The following TM9SF3 variants were observed in gnomAD, a reference collection of about 807,000 sequenced individuals.
TM9SF3 encodes transmembrane 9 superfamily member 3.
TM9SF3 carries 14 observed loss-of-function variants against 78.6 expected under a neutral mutation model. The observed-to-expected ratio is 0.18, with a 90% CI of 0.12 to 0.28. The LOEUF is 0.28. TM9SF3 is among the 10% of genes least tolerant of loss of function. The pLI, the probability that TM9SF3 is intolerant of heterozygous loss-of-function variation, is 1.00. For synonymous variants in TM9SF3, 231 were observed against 241.7 expected (o/e 0.96, Z 0.41); for missense variants, 496 against 721.9 (o/e 0.69, Z 3.59).
intron 2 of TM9SF3, among the ~76,000 whole-genome samples, chr10:96,566,243 GTTTGTT>G (rs775997303): frequency 2.6e-5 from 4 of 152,078 alleles, no homozygotes; most frequent in Non-Finnish European, 4.4e-5. Flanking sequence ...GCAAGCACAA[GTTTGTT>G]TTTAAGTTCT....
intron 3 of TM9SF3, among the ~76,000 whole-genome samples, chr10:96,564,231 A>G (rs1848344644): frequency 6.6e-6 from 1 of 152,152 alleles, no homozygotes; most frequent in African/African-American, 2.4e-5. Context: ...GTCTGAGGCT[A>G]CAATGAGCTA....
chr10:96,571,031 C>T lies in TM9SF3; in HGVS notation c.298+5603G>A, dbSNP rs192666486. ...TGGGATTACAGGCCATGAGCCACCA[C>T]CCCCGGCCATGGGAAAAAGATTTTA... On this transcript the variant is annotated intron_variant, in intron 2 of 14. Transcript: ENST00000371142. Among the ~76,000 whole-genome samples, 647 of 152,270 alleles carry T rather than the reference C, an allele frequency of 4.2e-3. 23 individuals carry two copies. Among genetic ancestry groups the T allele is most frequent in the Admixed American group, 0.04 (606 of 15,294 alleles).
At chr10:96,563,051 T>C (rs1261142042) in intron 3 of TM9SF3, among the ~76,000 whole-genome samples, 1 of 142,852 alleles carries the variant, frequency 7.0e-6, no homozygotes, top group African/African-American at 2.7e-5. Context: ...CTTGGGATTG[T>C]AGGGGATAAT....
intron 14 of TM9SF3, among the ~76,000 whole-genome samples, chr10:96,522,885 T>C (rs1184871158): frequency 2.6e-5 from 4 of 151,824 alleles, no homozygotes; most frequent in Non-Finnish European, 1.5e-5. Flanking sequence ...AGGGATGACA[T>C]ATTTGCGGGA....
intron 4 of TM9SF3, among the ~76,000 whole-genome samples, chr10:96,561,126 C>CTG (rs1050196340): frequency 1.1e-4 from 16 of 152,318 alleles, no homozygotes; most frequent in African/African-American, 3.4e-4. Flanking sequence ...GCAGTTTCTT[C>CTG]TGATTGCTGT....
At chr10:96,553,347 C>T (rs1294234147) in intron 5 of TM9SF3, among the ~76,000 whole-genome samples, 2 of 152,148 alleles carry the variant, frequency 1.3e-5, no homozygotes, top group African/African-American at 4.8e-5. Context: ...GGCCATATAA[C>T]CTATGCTATT....
rs1847748230 is a variant in TM9SF3, at chr10:96,520,287, A to C, written c.*1976T>G. ...AGAAGGAAGAGAAAATGGAAGTACC[A>C]ATAAATTATATTTAATATACCATTT... is the stretch of plus-strand genomic sequence containing the variant. On this transcript the variant is annotated 3_prime_UTR_variant, in exon 15 of 15. Coordinates refer to ENST00000371142, the MANE Select transcript of TM9SF3 (RefSeq NM_020123.4). 6.6e-6 allele frequency: 1 copy of C among 151,860 alleles called. No homozygotes were observed. Among genetic ancestry groups the C allele is most frequent in the South Asian group, 2.1e-4 (1 of 4,832 alleles). 9.4% of individuals were successfully genotyped at this position (151,860 alleles called of 1,614,324 possible). A position where few individuals can be genotyped will look rare whatever the true frequency, so the allele number is the denominator to read the frequency against.
At chr10:96,548,754 C>T (rs1179808059) in intron 7 of TM9SF3, among the ~76,000 whole-genome samples, 3 of 140,464 alleles carry the variant, frequency 2.1e-5, no homozygotes, top group East Asian at 2.1e-4. Context: ...GCCAAGAACG[C>T]GTCACTGCAC....
chr10:96,538,981 T>C (rs1847990681), intron 9 of TM9SF3, among the ~76,000 whole-genome samples: 1 of 152,190 alleles, frequency 6.6e-6, no homozygotes, highest in Non-Finnish European at 1.5e-5. Context: ...TAAACTACCA[T>C]ATGACCCAGC....
chr10:96,530,680 G>A, intron 10 of TM9SF3, 72 bp from the exon 11 acceptor site: 2 of 1,348,990 alleles, frequency 1.5e-6, no homozygotes. Flanking sequence ...ATAACAGAAA[G>A]CAGGTACTTG....
intron 1 of TM9SF3, among the ~76,000 whole-genome samples, chr10:96,583,486 A>G (rs572652438): frequency 6.6e-6 from 1 of 152,330 alleles, no homozygotes; most frequent in South Asian, 2.1e-4. Flanking sequence ...ATCAATATAG[A>G]GAACCACTCA....
chr10:96,576,568 T>C (rs1848499005), intron 2 of TM9SF3, 66 bp downstream of exon 2: 3 of 1,418,940 alleles, frequency 2.1e-6, no homozygotes, highest in Admixed American at 2.5e-5. Flanking sequence ...GTGTCAATAG[T>C]GCCAAAATAT....
At chr10:96,581,456 T>G (rs908578503) in intron 1 of TM9SF3, among the ~76,000 whole-genome samples, 1 of 152,184 alleles carries the variant, frequency 6.6e-6, no homozygotes, top group Non-Finnish European at 1.5e-5. Flanking sequence ...TTTCAAAACC[T>G]TTAAATTATT....
intron 5 of TM9SF3, among the ~76,000 whole-genome samples, chr10:96,557,096 T>C (rs1217397690): frequency 1.3e-5 from 2 of 152,196 alleles, no homozygotes; most frequent in African/African-American, 4.8e-5. Flanking sequence ...TCTCCCTTCC[T>C]TAGCAATTAT....
At position 96,544,169 on chromosome 10, in the gene TM9SF3, G is replaced by T. The variant is rs1848070727; in HGVS notation, c.1092C>A (p.Phe364Leu). 1 of 1,611,720 alleles carries T rather than the reference G, an allele frequency of 6.2e-7. No homozygotes were observed. Among genetic ancestry groups the T allele is most frequent in the Non-Finnish European group, 8.5e-7 (1 of 1,178,776 alleles). Residue 364 changes from phenylalanine (F) to leucine (L), a missense_variant, in exon 9 of 15, where the codon TTC (phenylalanine) becomes TTA (leucine). By Grantham distance (22) the Phe-to-Leu change is conservative (BLOSUM62 0). Around this residue, in one of 4 missense-constraint regions of TM9SF3, gnomAD observed 280 missense variants for 422.6 expected, o/e 0.66. Transcript: ENST00000371142. ...RWIKQMFIGA[F>L]LIPAMVCGTA... ...TGCCACACACCATAGCTGGGATAAG[G>T]AATGCCCCAATAAACATCTGCTTTA...
chr10:96,548,902 T>C (rs1258271316), intron 7 of TM9SF3, among the ~76,000 whole-genome samples: 1 of 152,106 alleles, frequency 6.6e-6, no homozygotes, highest in African/African-American at 2.4e-5. Flanking sequence ...AAATATTCTA[T>C]GGGCATTCCC....
intron 1 of TM9SF3, among the ~76,000 whole-genome samples, chr10:96,585,960 C>T (rs956021699): frequency 3.9e-4 from 60 of 152,330 alleles, no homozygotes; most frequent in Non-Finnish European, 7.6e-4. Context: ...AACTGCCAAT[C>T]ACCTTTAGGC....
intron 3 of TM9SF3, among the ~76,000 whole-genome samples, chr10:96,564,671 C>T (rs1247151334): frequency 6.6e-6 from 1 of 152,076 alleles, no homozygotes; most frequent in East Asian, 1.9e-4. Context: ...AGCAGATTTC[C>T]AGAGACAAAA....
chr10:96,560,477 G>A, intron 4 of TM9SF3: 1 of 758,454 alleles, frequency 1.3e-6, no homozygotes, highest in Non-Finnish European at 2.3e-6. Flanking sequence ...CACCACCAGT[G>A]CTTTTATGGT....
Sources: allele counts gnomAD v4.1 joint callset (sites outside exome capture counted in the v4.1 genomes callset), GRCh38; gene constraint gnomAD v4.1.1; regional missense constraint gnomAD v4.1.1; transcripts MANE v1.5; gene names NCBI Gene and HGNC (gene_info 2026-07-23, HGNC 2026-07-21).